BRIP1: variants seen among roughly 807,000 people sequenced by gnomAD.
BRIP1 encodes Fanconi anemia group J protein.
A neutral mutation model predicts 119.7 loss-of-function variants in BRIP1; 88 were observed. That is an observed-to-expected ratio of 0.74 (90% CI 0.62 to 0.88). The LOEUF is 0.88. Among genes scored for constraint, BRIP1 ranks in the 40% least tolerant of loss-of-function variants. BRIP1 has a pLI of 0.00. For missense variants in BRIP1, 1,259 were observed against 1,455.4 expected (o/e 0.87, Z 2.20); for synonymous variants, 443 against 496.5 (o/e 0.89, Z 1.43).
At chr17:61,731,630 C>T (rs1357293346) in intron 16 of BRIP1, among the ~76,000 whole-genome samples, 2 of 152,182 alleles carry the variant, frequency 1.3e-5, no homozygotes, top group African/African-American at 4.8e-5. Flanking sequence ...TACTCTTATC[C>T]ATTCTGTACA....
In BRIP1 at chr17:61,752,334, GA is replaced by G. The variant is rs1603306897; in HGVS notation, c.2098-7744del. Among the ~76,000 whole-genome samples, 1 of 151,522 alleles carries G rather than the reference GA, an allele frequency of 6.6e-6. No individual in the cohort carries two copies. Among genetic ancestry groups the G allele is most frequent in the African/African-American group, 2.4e-5 (1 of 41,338 alleles). ...GGTAGCTTGAATTAGAAAGAGTTAAGAAAAAAAATGCAAACCTTGAGAATAA... is the reference window on the plus strand; with the variant it reads ...GGTAGCTTGAATTAGAAAGAGTTAAGAAAAAAATGCAAACCTTGAGAATAA... On this transcript the variant is annotated intron_variant, in intron 14 of 19. Coordinates refer to ENST00000259008, the MANE Select transcript of BRIP1 (RefSeq NM_032043.3). This position sits in a 1 kb window ranked among gnomAD's most constrained non-coding sequence, Gnocchi z 6.2.
chr17:61,845,043 A>G lies in BRIP1; in HGVS notation c.627+2058T>C, dbSNP rs1277211490. On this transcript the variant is annotated intron_variant, in intron 6 of 19. Transcript: ENST00000259008. This position sits in a 1 kb window ranked among gnomAD's most constrained non-coding sequence, Gnocchi z 4.2. ...CATTACATCGTAATAGGACAGACAA[A>G]TAATAAACAAGTAATCAAGTAATTT... 6.6e-6 allele frequency among the ~76,000 whole-genome samples: 1 copy of G among 152,258 alleles called. No homozygotes were observed. The highest frequency in any genetic ancestry group is 1.5e-5 in the Non-Finnish European group (1 of 68,040).
intron 16 of BRIP1, among the ~76,000 whole-genome samples, chr17:61,719,703 T>G (rs535303030): frequency 6.9e-6 from 1 of 145,696 alleles, no homozygotes; most frequent in South Asian, 2.2e-4. Context: ...CCAGCCTGGG[T>G]GACAGAGTGA....
intron 9 of BRIP1, among the ~76,000 whole-genome samples, chr17:61,797,816 T>G (rs1163378195): frequency 6.6e-6 from 1 of 152,026 alleles, no homozygotes; most frequent in Non-Finnish European, 1.5e-5. Flanking sequence ...ATAAATGGCC[T>G]TTAAAGATGC....
At chr17:61,718,026 T>G (rs972099059) in intron 16 of BRIP1, among the ~76,000 whole-genome samples, 1 of 152,220 alleles carries the variant, frequency 6.6e-6, no homozygotes, top group Middle Eastern at 3.2e-3. Flanking sequence ...TTATGTTTTC[T>G]GCTATCTTCT....
chr17:61,780,360 C>T lies in BRIP1; in HGVS notation c.1836G>A (p.Leu612=), dbSNP rs1464898721. The part of the protein sequence containing the change: ...DINGKVQTIV[L]TSGTLSPMKS... ...TCATTGGTGATAATGTACCAGATGT[C>T]AAAACAATGGTCTGAACTTTGCCAT... Residue 612 remains leucine (L), a synonymous_variant, in exon 13 of 20, where the codon TTG becomes TTA. Transcript: ENST00000259008. This position sits in a 1 kb window ranked among gnomAD's most constrained non-coding sequence, Gnocchi z 5.4. 6 of 1,610,676 alleles carry T rather than the reference C, an allele frequency of 3.7e-6. No homozygotes were observed. The highest frequency in any genetic ancestry group is 5.1e-6 in the Non-Finnish European group (6 of 1,176,974).
In BRIP1 at chr17:61,734,379, T is replaced by G. The variant is rs1453834325; in HGVS notation, c.2379+8634A>C. Among the ~76,000 whole-genome samples, 2 of 152,230 alleles carry G rather than the reference T, an allele frequency of 1.3e-5. No individual in the cohort carries two copies. On this transcript the variant is annotated intron_variant, in intron 16 of 19. Coordinates refer to ENST00000259008, the MANE Select transcript of BRIP1 (RefSeq NM_032043.3). The surrounding 1 kb of genome is among the most constrained non-coding windows in gnomAD (Gnocchi z 5.2). ...ATGCCCCTCAAATGCTTTGGTTTAG[T>G]GCACAGAAAGTTTTCTTTTTAACTA... is the stretch of plus-strand genomic sequence containing the variant.
At chr17:61,696,268 T>G (rs777829007) in intron 17 of BRIP1, among the ~76,000 whole-genome samples, 8 of 151,868 alleles carry the variant, frequency 5.3e-5, no homozygotes, top group Non-Finnish European at 8.8e-5. Context: ...TGTATTACAT[T>G]AATTGATTTT....
chr17:61,724,497 A>T lies in BRIP1; in HGVS notation c.2380-8434T>A, dbSNP rs1057128638. On this transcript the variant is annotated intron_variant, in intron 16 of 19. Coordinates refer to ENST00000259008, the MANE Select transcript of BRIP1 (RefSeq NM_032043.3). The surrounding 1 kb of genome is among the most constrained non-coding windows in gnomAD (Gnocchi z 5.1). ...TCAGTCAAACTCTTTGCACAAAAGT[A>T]GCCTTTTTAAAGTTTATCAGTAGCT... Among the ~76,000 whole-genome samples, 2 of 152,196 alleles carry T rather than the reference A, an allele frequency of 1.3e-5. No individual in the cohort carries two copies. Among genetic ancestry groups the T allele is most frequent in the African/African-American group, 4.8e-5 (2 of 41,464 alleles).
rs71150699 is a variant in BRIP1 at position 61,772,157 on chromosome 17, TTATATATATATATATATATATATA to T, written c.2097+4220_2097+4243del. Among the ~76,000 whole-genome samples the T allele has an allele frequency of 3.4e-3, 263 of 76,864 alleles. 4 individuals carry two copies. Among genetic ancestry groups the T allele is most frequent in the African/African-American group, 8.7e-3 (147 of 16,866 alleles). The allele number at this position is 76,864 out of a possible 152,430, so 50.4% of individuals were successfully genotyped here. Reference sequence around the variant, plus strand: ...GATGAATGGATAAGCAAATGTGAGATTATATATATATATATATATATATATATATATATATATATATATATATAT... The same window carrying T: ...GATGAATGGATAAGCAAATGTGAGATTATATATATATATATATATATATAT... On this transcript the variant is annotated intron_variant, in intron 14 of 19. Coordinates refer to ENST00000259008, the MANE Select transcript of BRIP1 (RefSeq NM_032043.3).
Position 61,804,197 on chromosome 17 carries a change from TAC to T in BRIP1, c.919-2725_919-2724del, listed in dbSNP as rs1460304520. ...CCTCTCTTTTCATTTTCTAACCACA[TAC>T]ATGTACTACTTCTCTTTTTCAATTG... On this transcript the variant is annotated intron_variant, in intron 7 of 19. Transcript: ENST00000259008. This position sits in a 1 kb window ranked among gnomAD's most constrained non-coding sequence, Gnocchi z 4.5. Among the ~76,000 whole-genome samples, 1 of 152,144 alleles carries T rather than the reference TAC, an allele frequency of 6.6e-6. No individual in the cohort carries two copies. Among genetic ancestry groups the T allele is most frequent in the Admixed American group, 6.5e-5 (1 of 15,272 alleles).
chr17:61,711,907 T>C (rs1394325273), intron 17 of BRIP1, among the ~76,000 whole-genome samples: 1 of 151,044 alleles, frequency 6.6e-6, no homozygotes, highest in African/African-American at 2.4e-5. Context: ...AAATAAAAAA[T>C]AAAATGATGG....
At position 61,710,353 on chromosome 17, in the gene BRIP1, C is replaced by G. The variant is rs2061752267; in HGVS notation, c.2492+5598G>C. 1.3e-5 allele frequency among the ~76,000 whole-genome samples: 2 copies of G among 152,084 alleles called. No homozygotes were observed. The highest frequency in any genetic ancestry group is 4.8e-5 in the African/African-American group (2 of 41,392). ...CAAGCATTTGAGACTTAGTTGGTTG[C>G]TGAGAATGTAACAACGTAACACATG... On this transcript the variant is annotated intron_variant, in intron 17 of 19. Transcript: ENST00000259008. This position sits in a 1 kb window ranked among gnomAD's most constrained non-coding sequence, Gnocchi z 5.4.
In BRIP1 at chr17:61,754,955, T is replaced by TA. The variant is rs938163532; in HGVS notation, c.2098-10365dup. ...CACACTGGGGGTTAGGGCTTCAACA[T>TA]AAAAAATTTGGTGGTATACAAACAT... is the stretch of plus-strand genomic sequence containing the variant. On this transcript the variant is annotated intron_variant, in intron 14 of 19. Coordinates refer to ENST00000259008, the MANE Select transcript of BRIP1 (RefSeq NM_032043.3). This position sits in a 1 kb window ranked among gnomAD's most constrained non-coding sequence, Gnocchi z 4.1. 7.9e-5 allele frequency among the ~76,000 whole-genome samples: 12 copies of TA among 152,314 alleles called. No homozygotes were observed. The highest frequency in any genetic ancestry group is 2.9e-4 in the African/African-American group (12 of 41,564).
intron 16 of BRIP1, among the ~76,000 whole-genome samples, chr17:61,731,887 T>C (rs36031690): frequency 0.2 from 29,401 of 147,736 alleles, 3,972 homozygotes; most frequent in Admixed American, 0.42. Flanking sequence ...GAGTCTATTA[T>C]AATACTTGGT....
intron 4 of BRIP1, among the ~76,000 whole-genome samples, chr17:61,854,067 G>A (rs1005431652): frequency 2.0e-5 from 3 of 152,076 alleles, no homozygotes; most frequent in African/African-American, 7.2e-5. Flanking sequence ...CTTGAGCCCA[G>A]GGGTTCAAGA....
chr17:61,771,177 T>C (rs1461668227), intron 14 of BRIP1, among the ~76,000 whole-genome samples: 1 of 152,200 alleles, frequency 6.6e-6, no homozygotes. Context: ...AAAAGTCACA[T>C]ATTGTATGAT....
intron 18 of BRIP1, among the ~76,000 whole-genome samples, chr17:61,688,735 G>A (rs536637798): frequency 6.9e-6 from 1 of 145,830 alleles, no homozygotes; most frequent in South Asian, 2.2e-4. Flanking sequence ...AACAAAATAA[G>A]TCTCCAGAAA....
rs1417542581 is a variant in BRIP1, at chr17:61,682,401, G to T, written c.*895C>A. ...ATGGTGAAGCTAAATAATTAGAATA[G>T]AAAATTTGGAATACTTCATTTGGCA... On this transcript the variant is annotated 3_prime_UTR_variant, in exon 20 of 20. Transcript: ENST00000259008. The surrounding 1 kb of genome is among the most constrained non-coding windows in gnomAD (Gnocchi z 4.9). 1 of 204,930 alleles carries T rather than the reference G, an allele frequency of 4.9e-6. No individual in the cohort carries two copies. The highest frequency in any genetic ancestry group is 1.0e-5 in the Non-Finnish European group (1 of 100,270). The allele number at this position is 204,930 out of a possible 1,614,324, so 12.7% of individuals were successfully genotyped here. A position where few individuals can be genotyped will look rare whatever the true frequency, so the allele number is the denominator to read the frequency against.
Sources: allele counts gnomAD v4.1 joint callset (sites outside exome capture counted in the v4.1 genomes callset), GRCh38; gene constraint gnomAD v4.1.1; non-coding constraint Gnocchi (gnomAD v3.1); transcripts MANE v1.5; gene names NCBI Gene and HGNC (gene_info 2026-07-23, HGNC 2026-07-21).